Variants in CRYBG1 observed in about 807,000 individuals in gnomAD.
CRYBG1 encodes the protein crystallin beta-gamma domain containing 1.
Under a neutral mutation model 189.2 loss-of-function variants are expected in CRYBG1, and 139 were observed. The observed-to-expected ratio is 0.73, with a 90% CI of 0.64 to 0.85. CRYBG1 has a LOEUF of 0.85. CRYBG1 is among the 40% of genes least tolerant of loss of function. The probability of loss-of-function intolerance (pLI) is 0.00; values close to 1 mark genes in which losing one functional copy is unlikely to be tolerated. For missense variants in CRYBG1, 2,611 were observed against 2,675.8 expected (o/e 0.98, Z 0.53); for synonymous variants, 1,023 against 1,017.1 (o/e 1.01, Z -0.11).
intron 1 of CRYBG1, among the ~76,000 whole-genome samples, chr6:106,441,677 T>C (rs9384613): frequency 0.12 from 18,757 of 152,188 alleles, 1,455 homozygotes; most frequent in African/African-American, 0.22. Flanking sequence ...TTGTGGAGTT[T>C]ACCTACCTGG....
chr6:106,458,816 G>T (rs922832705), intron 2 of CRYBG1, among the ~76,000 whole-genome samples: 3 of 152,134 alleles, frequency 2.0e-5, no homozygotes, highest in African/African-American at 7.2e-5. Flanking sequence ...GTGCCAAGAT[G>T]CAGGTGAACA....
At chr6:106,473,075 A>G (rs572802810) in intron 2 of CRYBG1, among the ~76,000 whole-genome samples, 1 of 152,334 alleles carries the variant, frequency 6.6e-6, no homozygotes, top group South Asian at 2.1e-4. Context: ...TATTGTGTTT[A>G]GAAATTAGCT....
rs1204971670 is a variant in CRYBG1, at chr6:106,512,339, G to A, written c.1222G>A (p.Asp408Asn). The A allele has an allele frequency of 6.2e-7, 1 of 1,610,676 alleles. No individual in the cohort carries two copies. Among genetic ancestry groups the A allele is most frequent in the Admixed American group, 1.7e-5 (1 of 59,714 alleles). ...PRAEDCGDWD[D>N]MEKRSSGRRS... ...AGCGGAAGATTGCGGTGACTGGGAC[G>A]ACATGGAGAAGAGGTCCAGCGGCCG... Residue 408 changes from aspartate (D) to asparagine (N), a missense_variant, in exon 3 of 22, where the codon GAC becomes AAC. Physicochemically the swap from Asp to Asn is conservative, Grantham distance 23 (BLOSUM62 1). This residue lies in a region of CRYBG1 where 985 missense variants were observed against 924.4 expected (regional missense o/e 1.07). Transcript: ENST00000633556.
At chr6:106,471,777 A>G (rs9372129) in intron 2 of CRYBG1, among the ~76,000 whole-genome samples, 19,639 of 149,834 alleles carry the variant, frequency 0.13, 1,493 homozygotes, top group South Asian at 0.25. Flanking sequence ...TTTTAGCTCT[A>G]TTAAGCATTC....
rs774272488 is a variant in CRYBG1, at chr6:106,519,705, G to A, written c.2497G>A (p.Asp833Asn). ...SKSLVLENVT[D>N]TAQDIPTTVD... ...AAGCCTTGTACTTGAAAATGTAACC[G>A]ATACAGCACAAGACATCCCCACCAC... The change falls in exon 4 of 22, where the codon GAT becomes AAT. Residue 833 changes from aspartate to asparagine, a missense_variant. Physicochemically the swap from Asp to Asn is conservative, Grantham distance 23 (BLOSUM62 1). This residue lies in a region of CRYBG1 where 1,622 missense variants were observed against 1,735.0 expected (regional missense o/e 0.93). Coordinates refer to ENST00000633556, the MANE Select transcript of CRYBG1 (RefSeq NM_001371242.2). 1.1e-5 allele frequency: 18 copies of A among 1,614,026 alleles called. No individual in the cohort carries two copies. The highest frequency in any genetic ancestry group is 2.2e-5 in the South Asian group (2 of 91,082).
intron 2 of CRYBG1, among the ~76,000 whole-genome samples, chr6:106,483,402 A>ATATATATATATAT (rs1361096436): frequency 1.1e-5 from 1 of 88,424 alleles, no homozygotes; most frequent in Non-Finnish European, 2.9e-5. Flanking sequence ...ATATATATAT[A>ATATATATATATAT]AAACATTTTC....
chr6:106,439,659 T>C lies in CRYBG1; in HGVS notation c.174-12035T>C, dbSNP rs142547532. ...TCTTGGGACAGAATGCTTTGTGGTTTAGTGACTCAACTCTCTCTGTACTGG... is the reference window on the plus strand; with the variant it reads ...TCTTGGGACAGAATGCTTTGTGGTTCAGTGACTCAACTCTCTCTGTACTGG... On this transcript the variant is annotated intron_variant, in intron 1 of 21. Coordinates refer to ENST00000633556, the MANE Select transcript of CRYBG1 (RefSeq NM_001371242.2). Among the ~76,000 whole-genome samples, 238 of 152,250 alleles carry C rather than the reference T, an allele frequency of 1.6e-3. 5 individuals are homozygous for C. In the East Asian group the frequency reaches 0.043, roughly 27 times the overall value.
At chr6:106,562,181 A>G (rs918744003) in intron 20 of CRYBG1, among the ~76,000 whole-genome samples, 2 of 152,264 alleles carry the variant, frequency 1.3e-5, no homozygotes, top group South Asian at 4.1e-4. Context: ...GAAGGAACAC[A>G]GCCTTGCGAA....
chr6:106,463,266 C>T (rs954012799), intron 2 of CRYBG1, among the ~76,000 whole-genome samples: 6 of 152,010 alleles, frequency 3.9e-5, no homozygotes, highest in Non-Finnish European at 8.8e-5. Flanking sequence ...CAACTTCTGT[C>T]CTACTTTGTA....
chr6:106,539,684 C>A (rs1774085935), intron 9 of CRYBG1, among the ~76,000 whole-genome samples, 155 bp downstream of exon 9: 1 of 138,182 alleles, frequency 7.2e-6, no homozygotes, highest in Non-Finnish European at 1.5e-5. Flanking sequence ...GAAAGAATAA[C>A]TTGCTAGATG....
At chr6:106,426,341 A>G (rs1263351130) in intron 1 of CRYBG1, among the ~76,000 whole-genome samples, 1 of 152,152 alleles carries the variant, frequency 6.6e-6, no homozygotes, top group Admixed American at 6.5e-5. Flanking sequence ...GTGCTGTAAC[A>G]TCATATATCT....
chr6:106,521,917 A>G (rs1773621078), intron 4 of CRYBG1, among the ~76,000 whole-genome samples: 1 of 151,876 alleles, frequency 6.6e-6, no homozygotes, highest in South Asian at 2.1e-4. Flanking sequence ...CTGAAAATAC[A>G]AATACGGGGG....
intron 2 of CRYBG1, 106 bp from the exon 3 acceptor site, chr6:106,511,324 G>GA: frequency 1.0e-6 from 1 of 1,000,696 alleles, no homozygotes; most frequent in Non-Finnish European, 1.4e-6. Flanking sequence ...TTTTCAATTA[G>GA]AAACTCTGGT....
At chr6:106,526,740 G>A (rs1363229288) in intron 6 of CRYBG1, among the ~76,000 whole-genome samples, 2 of 151,846 alleles carry the variant, frequency 1.3e-5, no homozygotes, top group African/African-American at 4.8e-5. Context: ...CCAGGAGTTC[G>A]AGATCAGCAG....
At chr6:106,420,246 G>T (rs1771098016) in intron 1 of CRYBG1, among the ~76,000 whole-genome samples, 1 of 152,110 alleles carries the variant, frequency 6.6e-6, no homozygotes, top group African/African-American at 2.4e-5. Flanking sequence ...TTCTAAACGG[G>T]GCTTTGGGAA....
chr6:106,430,541 C>A (rs1327171013), intron 1 of CRYBG1, among the ~76,000 whole-genome samples: 1 of 152,192 alleles, frequency 6.6e-6, no homozygotes, highest in Non-Finnish European at 1.5e-5. Context: ...TGTAATGATT[C>A]CATGCATCTG....
chr6:106,546,615 T>C (rs76556574), intron 13 of CRYBG1, among the ~76,000 whole-genome samples: 3,636 of 152,316 alleles, frequency 0.024, 141 homozygotes, highest in African/African-American at 0.084. Flanking sequence ...GTATCAGTGA[T>C]TTCCGGGTAT....
At chr6:106,361,213 G>T in intron 1 of CRYBG1, 132 bp downstream of exon 1, 1 of 1,164,316 alleles carries the variant, frequency 8.6e-7, no homozygotes, top group East Asian at 2.8e-5. Context: ...CCGCAGGAGG[G>T]TACCCGGGTC....
chr6:106,406,933 C>A (rs1770838023), intron 1 of CRYBG1, among the ~76,000 whole-genome samples: 1 of 152,160 alleles, frequency 6.6e-6, no homozygotes, highest in South Asian at 2.1e-4. Context: ...CAAAAACATA[C>A]CAAATTGTAA....
Sources: gnomAD v4.1 joint callset for allele counts (sites outside exome capture counted in the v4.1 genomes callset) on GRCh38, gnomAD v4.1.1 for gene constraint, gnomAD v4.1.1 regional missense constraint, MANE v1.5 for transcripts, NCBI Gene and HGNC (gene_info 2026-07-23, HGNC 2026-07-21) for gene names.